Variants in RBFOX1 observed in about 807,000 individuals in gnomAD.
RBFOX1 encodes RNA binding fox-1 homolog 1, also known as RNA binding protein fox-1 homolog 1.
In RBFOX1, 8 loss-of-function variants were observed where a neutral mutation model predicts 57.7. That is an observed-to-expected ratio of 0.14 (90% CI 0.08 to 0.25). RBFOX1 has a LOEUF of 0.25. RBFOX1 is among the 10% of genes least tolerant of loss of function. RBFOX1 has a pLI of 1.00. For synonymous variants in RBFOX1, 326 were observed against 222.4 expected, an observed-to-expected ratio of 1.47 and a Z score of -4.15; for missense variants, 611 against 548.5, an observed-to-expected ratio of 1.11 and a Z score of -1.14.
intron 12 of RBFOX1, 90 bp from the exon 13 acceptor site, chr16:7,664,839 C>G: frequency 1.2e-6 from 2 of 1,607,296 alleles, no homozygotes; most frequent in Non-Finnish European, 8.5e-7. Context: ...GATCTTGTGA[C>G]CAGACTAACC....
At chr16:7,319,387 A>G (rs2096502674) in intron 4 of RBFOX1, among the ~76,000 whole-genome samples, 1 of 152,244 alleles carries the variant, frequency 6.6e-6, no homozygotes, top group Admixed American at 6.5e-5. Context: ...CAATAAGTTT[A>G]CAAGCATTTG....
At chr16:7,164,511 T>C (rs924491721) in intron 4 of RBFOX1, among the ~76,000 whole-genome samples, 14 of 152,218 alleles carry the variant, frequency 9.2e-5, no homozygotes, top group African/African-American at 3.1e-4. Context: ...AAATGATATG[T>C]GTCTTTTGCA....
intron 2 of RBFOX1, among the ~76,000 whole-genome samples, chr16:6,428,658 G>A (rs1387672215): frequency 6.6e-6 from 1 of 152,130 alleles, no homozygotes; most frequent in Non-Finnish European, 1.5e-5. Context: ...CATCATTGCT[G>A]TTACTATTAT....
intron 1 of RBFOX1, among the ~76,000 whole-genome samples, chr16:5,316,020 C>A (rs2064228081): frequency 6.6e-6 from 1 of 152,154 alleles, no homozygotes; most frequent in South Asian, 2.1e-4. Flanking sequence ...CTACCAGAGA[C>A]CTCCCCCGCC....
chr16:5,313,043 C>T (rs1171831822), intron 1 of RBFOX1, among the ~76,000 whole-genome samples: 1 of 152,016 alleles, frequency 6.6e-6, no homozygotes, highest in Non-Finnish European at 1.5e-5. Flanking sequence ...GATGTAATTC[C>T]ATTTTGTGCC....
At chr16:7,361,405 C>G (rs779884215) in intron 4 of RBFOX1, among the ~76,000 whole-genome samples, 1 of 152,152 alleles carries the variant, frequency 6.6e-6, no homozygotes, top group Non-Finnish European at 1.5e-5. Flanking sequence ...CATCAAAGAA[C>G]GAGGCTGCGG....
intron 4 of RBFOX1, among the ~76,000 whole-genome samples, chr16:7,076,428 C>T (rs1354335079): frequency 6.6e-6 from 1 of 151,866 alleles, no homozygotes; most frequent in Non-Finnish European, 1.5e-5. Context: ...AGAAGAGTCC[C>T]ATGCTTGAGA....
At chr16:6,340,733 G>T (rs1045490534) in intron 2 of RBFOX1, among the ~76,000 whole-genome samples, 2 of 152,126 alleles carry the variant, frequency 1.3e-5, no homozygotes, top group African/African-American at 2.4e-5. Flanking sequence ...CCTGTATCTT[G>T]TGCTGACCTC....
chr16:7,202,054 C>A (rs774053697), intron 4 of RBFOX1, among the ~76,000 whole-genome samples: 1 of 152,116 alleles, frequency 6.6e-6, no homozygotes, highest in Non-Finnish European at 1.5e-5. Flanking sequence ...CATGGTCTTT[C>A]TCCTAGAGCC....
chr16:6,066,818 C>T (rs896488397), intron 1 of RBFOX1, among the ~76,000 whole-genome samples: 20 of 152,090 alleles, frequency 1.3e-4, no homozygotes, highest in African/African-American at 4.8e-4. Context: ...CTCATTCTGC[C>T]CTCCACTCAG....
At chr16:5,616,753 C>T (rs2048038343) in intron 3 of RBFOX1, among the ~76,000 whole-genome samples, 1 of 146,946 alleles carries the variant, frequency 6.8e-6, no homozygotes, top group South Asian at 2.2e-4. Context: ...CCTTCTCCCT[C>T]TCCTGTCCCC....
chr16:7,044,160 T>C (rs1203875391), intron 3 of RBFOX1, among the ~76,000 whole-genome samples: 3 of 152,108 alleles, frequency 2.0e-5, no homozygotes, highest in Non-Finnish European at 2.9e-5. Flanking sequence ...GCTTGAGATA[T>C]GTGTATGTAT....
At chr16:5,845,099 G>C (rs1309428813) in intron 3 of RBFOX1, among the ~76,000 whole-genome samples, 2 of 145,342 alleles carry the variant, frequency 1.4e-5, no homozygotes, top group Non-Finnish European at 3.0e-5. Context: ...GGAGGGTTTA[G>C]TCCAAATTTC....
At chr16:7,080,416 C>G (rs867849240) in intron 4 of RBFOX1, among the ~76,000 whole-genome samples, 5 of 152,304 alleles carry the variant, frequency 3.3e-5, no homozygotes, top group Middle Eastern at 3.4e-3. Flanking sequence ...ACGGTCTTCA[C>G]TATGATTTCA....
chr16:7,176,940 T>G (rs1460405324), intron 4 of RBFOX1, among the ~76,000 whole-genome samples: 1 of 152,186 alleles, frequency 6.6e-6, no homozygotes, highest in African/African-American at 2.4e-5. Flanking sequence ...GAATAGAATT[T>G]TATAGTATCG....
chr16:6,424,219 A>G (rs1296747671), intron 2 of RBFOX1, among the ~76,000 whole-genome samples: 1 of 152,232 alleles, frequency 6.6e-6, no homozygotes, highest in Non-Finnish European at 1.5e-5. Flanking sequence ...AGCCTGGGTG[A>G]CAGAGCGAGA....
chr16:5,516,300 A>C (rs561132745), intron 2 of RBFOX1, among the ~76,000 whole-genome samples: 1 of 151,418 alleles, frequency 6.6e-6, no homozygotes, highest in Admixed American at 6.6e-5. Flanking sequence ...GTCTCCCATC[A>C]CTTCCTGTGT....
intron 3 of RBFOX1, among the ~76,000 whole-genome samples, chr16:7,040,000 A>ATTT (rs1555799843): frequency 9.5e-6 from 1 of 105,506 alleles, no homozygotes; most frequent in Non-Finnish European, 2.1e-5. Context: ...ATGGGGAGTT[A>ATTT]TTTTATTATT....
intron 3 of RBFOX1, among the ~76,000 whole-genome samples, chr16:7,013,735 G>C (rs995930819): frequency 4.0e-5 from 6 of 151,766 alleles, no homozygotes; most frequent in African/African-American, 1.5e-4. Context: ...ACTGCTCACT[G>C]CAGCCTCAAA....
Sources: allele counts gnomAD v4.1 joint callset (sites outside exome capture counted in the v4.1 genomes callset), GRCh38; gene constraint gnomAD v4.1.1; transcripts MANE v1.5; gene names NCBI Gene and HGNC (gene_info 2026-07-23, HGNC 2026-07-21).